Variants in MAML3 observed in about 807,000 individuals in gnomAD.
The protein encoded by MAML3 is mastermind like transcriptional coactivator 3.
In MAML3, 27 loss-of-function variants were observed where a neutral mutation model predicts 101.9. The ratio of observed to expected loss-of-function variants is 0.27; its 90% CI spans 0.20 to 0.37. The LOEUF is 0.37. MAML3 is among the 10% of genes least tolerant of loss of function. The pLI is 1.00. For synonymous variants in MAML3, 501 were observed against 555.9 expected (o/e 0.90, Z 1.39); for missense variants, 1,316 against 1,444.9 (o/e 0.91, Z 1.45).
intron 2 of MAML3, among the ~76,000 whole-genome samples, chr4:139,866,048 T>G (rs1731893422): frequency 6.6e-6 from 1 of 152,212 alleles, no homozygotes; most frequent in African/African-American, 2.4e-5. Context: ...AGGAAGCTCC[T>G]GAGGTACAAC....
At chr4:140,145,004 C>G (rs939145978) in intron 1 of MAML3, among the ~76,000 whole-genome samples, 5 of 152,182 alleles carry the variant, frequency 3.3e-5, no homozygotes, top group African/African-American at 1.2e-4. Flanking sequence ...ATAAAGGGCA[C>G]AAGCAGAGCA....
chr4:139,823,913 G>A (rs747844235), intron 2 of MAML3, among the ~76,000 whole-genome samples: 3 of 151,858 alleles, frequency 2.0e-5, no homozygotes, highest in Non-Finnish European at 2.9e-5. Flanking sequence ...TGATAGGTCT[G>A]CAGGCCAAGA....
At position 139,986,399 on chromosome 4, in the gene MAML3, T is replaced by C. The variant is rs191263045; in HGVS notation, c.469-95432A>G. On this transcript the variant is annotated intron_variant, in intron 1 of 4. Transcript: ENST00000509479. Reference sequence around the variant, plus strand: ...AATGGTGTAGCCACTGAATTTCTGCTTCTTTTTATTTAACAGAACTACAGA... The same window carrying C: ...AATGGTGTAGCCACTGAATTTCTGCCTCTTTTTATTTAACAGAACTACAGA... Among the ~76,000 whole-genome samples, 7 of 152,358 alleles carry C rather than the reference T, an allele frequency of 4.6e-5. 1 individual carries two copies. The highest frequency in any genetic ancestry group is 4.1e-4 in the South Asian group (2 of 4,830).
intron 1 of MAML3, among the ~76,000 whole-genome samples, chr4:140,063,489 C>T (rs1727483231): frequency 6.6e-6 from 1 of 152,226 alleles, no homozygotes; most frequent in South Asian, 2.1e-4. Context: ...CCCACACACT[C>T]ACTGTGGGGC....
In MAML3 at chr4:139,890,186, G is replaced by T; in HGVS notation, c.1250C>A (p.Ser417Tyr). 6.2e-7 allele frequency: 1 copy of T among 1,613,456 alleles called. No homozygotes were observed. ...GTGGGCTTGGTTTGGAGTTTGAGGG[G>T]ACTGGACAGCACAGTTTGCTGGTGA... Reference protein sequence around the residue: ...ASSPANCAVQSPQTPNQAHTP... With the variant: ...ASSPANCAVQYPQTPNQAHTP... Residue 417 changes from serine (S) to tyrosine (Y), a missense_variant, in exon 2 of 5, where the codon TCC (serine) becomes TAC (tyrosine). Physicochemically the swap from Ser to Tyr is moderately radical, Grantham distance 144. Coordinates refer to ENST00000509479, the MANE Select transcript of MAML3 (RefSeq NM_018717.5). The surrounding 1 kb of genome is among the most constrained non-coding windows in gnomAD (Gnocchi z 4.1).
At chr4:140,084,530 T>A (rs1171441849) in intron 1 of MAML3, among the ~76,000 whole-genome samples, 1 of 152,188 alleles carries the variant, frequency 6.6e-6, no homozygotes, top group East Asian at 1.9e-4. Flanking sequence ...GTTTATTTAT[T>A]CCTAAATTCT....
At position 139,719,220 on chromosome 4, in the gene MAML3, C is replaced by T. The variant is rs759285262; in HGVS notation, c.*103G>A. On this transcript the variant is annotated 3_prime_UTR_variant, in exon 5 of 5. Transcript: ENST00000509479. ...GCCAGCTGCAGTTTTGCTCAGTTTA[C>T]GTGGGTCAAAAAAACAAAAAACAAG... is the stretch of plus-strand genomic sequence containing the variant. 1.2e-5 allele frequency: 16 copies of T among 1,372,008 alleles called. No individual in the cohort carries two copies. The highest frequency in any genetic ancestry group is 6.2e-5 in the South Asian group (4 of 65,024). 85.0% of individuals were successfully genotyped at this position (1,372,008 alleles called of 1,614,324 possible).
intron 1 of MAML3, among the ~76,000 whole-genome samples, chr4:139,908,190 G>T (rs183773998): frequency 6.6e-6 from 1 of 152,218 alleles, no homozygotes; most frequent in Non-Finnish European, 1.5e-5. Flanking sequence ...CTTGTGTATA[G>T]TTGGAAGATG....
intron 2 of MAML3, among the ~76,000 whole-genome samples, chr4:139,748,931 A>G (rs1158470885): frequency 6.6e-6 from 1 of 152,022 alleles, no homozygotes; most frequent in East Asian, 1.9e-4. Context: ...CATGCACACC[A>G]TTTTGACCCT....
At chr4:139,723,103 A>C (rs1342142802) in intron 4 of MAML3, among the ~76,000 whole-genome samples, 1 of 152,264 alleles carries the variant, frequency 6.6e-6, no homozygotes, top group African/African-American at 2.4e-5. Flanking sequence ...GGATGATATC[A>C]TATCTATATG....
intron 1 of MAML3, among the ~76,000 whole-genome samples, chr4:140,079,938 C>T (rs1727836733): frequency 6.6e-6 from 1 of 152,154 alleles, no homozygotes; most frequent in African/African-American, 2.4e-5. Flanking sequence ...CAAACTTACT[C>T]TCTAAAATTG....
intron 1 of MAML3, among the ~76,000 whole-genome samples, chr4:139,894,244 C>T (rs1732560418): frequency 6.6e-6 from 1 of 152,152 alleles, no homozygotes. Flanking sequence ...GGCACAGTAG[C>T]TCACGCCTGT....
intron 2 of MAML3, among the ~76,000 whole-genome samples, chr4:139,806,762 T>TTA (rs1258744139): frequency 1.3e-5 from 2 of 152,190 alleles, no homozygotes; most frequent in African/African-American, 4.8e-5. Flanking sequence ...AAATCAGGTT[T>TTA]TATAAAGAAT....
intron 1 of MAML3, among the ~76,000 whole-genome samples, chr4:140,052,107 G>T (rs1283925077): frequency 6.6e-6 from 1 of 152,174 alleles, no homozygotes; most frequent in Non-Finnish European, 1.5e-5. Flanking sequence ...AAATGAGAAT[G>T]TGGGAGGCTT....
intron 2 of MAML3, among the ~76,000 whole-genome samples, chr4:139,817,667 C>T (rs1374983513): frequency 2.6e-5 from 4 of 152,286 alleles, no homozygotes; most frequent in Middle Eastern, 3.4e-3. Context: ...TTTTCTATGC[C>T]GGGTTAGGGG....
intron 4 of MAML3, among the ~76,000 whole-genome samples, chr4:139,724,775 CTTT>C (rs34621312): frequency 1.8e-4 from 24 of 130,216 alleles, no homozygotes; most frequent in Admixed American, 3.1e-4. Flanking sequence ...CCTCAAGGGT[CTTT>C]TTTTTTTTTT....
chr4:139,919,061 G>C (rs35584776), intron 1 of MAML3, among the ~76,000 whole-genome samples: 2,708 of 152,228 alleles, frequency 0.018, 36 homozygotes, highest in Non-Finnish European at 0.03. Context: ...AATACTACAG[G>C]TCCCCAAATC....
At chr4:139,861,758 G>A (rs1010341407) in intron 2 of MAML3, among the ~76,000 whole-genome samples, 8 of 152,004 alleles carry the variant, frequency 5.3e-5, no homozygotes, top group African/African-American at 1.9e-4. Flanking sequence ...TGTACCCTCA[G>A]TGGGCCTAGT....
chr4:139,954,911 T>C (rs1019743817), intron 1 of MAML3, among the ~76,000 whole-genome samples: 1 of 152,112 alleles, frequency 6.6e-6, no homozygotes, highest in Non-Finnish European at 1.5e-5. Flanking sequence ...ATAAAAATTT[T>C]TAAAAATTAA....
Sources: gnomAD v4.1 joint callset for allele counts (sites outside exome capture counted in the v4.1 genomes callset) on GRCh38, gnomAD v4.1.1 for gene constraint, Gnocchi (gnomAD v3.1) non-coding constraint, MANE v1.5 for transcripts, NCBI Gene and HGNC (gene_info 2026-07-23, HGNC 2026-07-21) for gene names.